Variants in MIPOL1 observed in about 807,000 individuals in gnomAD.
The protein encoded by MIPOL1 is mirror-image polydactyly 1.
A neutral mutation model predicts 60.9 loss-of-function variants in MIPOL1; 57 were observed. The observed-to-expected ratio is 0.94, with a 90% confidence interval of 0.76 to 1.17. The LOEUF (loss-of-function observed/expected upper bound fraction) is 1.17, where lower values mean the gene tolerates loss of function less well. Ranked by LOEUF, MIPOL1 falls within the 50% of genes most tolerant of loss-of-function variation. MIPOL1 has a pLI of 0.00. For synonymous variants in MIPOL1, 179 were observed against 168.8 expected, an observed-to-expected ratio of 1.06 and a Z score of -0.47; for missense variants, 551 against 511.6, an observed-to-expected ratio of 1.08 and a Z score of -0.74.
intron 10 of MIPOL1, among the ~76,000 whole-genome samples, chr14:37,381,647 G>A (rs1053386031): frequency 6.6e-6 from 1 of 151,790 alleles, no homozygotes; most frequent in Non-Finnish European, 1.5e-5. Flanking sequence ...CAGTGGTACA[G>A]TTGTAGCTCA....
intron 11 of MIPOL1, among the ~76,000 whole-genome samples, chr14:37,485,958 G>A (rs2094939668): frequency 6.6e-6 from 1 of 152,212 alleles, no homozygotes; most frequent in South Asian, 2.1e-4. Flanking sequence ...GGTTTTTATG[G>A]TTTTAGGTCT....
chr14:37,209,768 A>G (rs1966641456), intron 1 of MIPOL1, among the ~76,000 whole-genome samples: 1 of 152,124 alleles, frequency 6.6e-6, no homozygotes, highest in Admixed American at 6.5e-5. Context: ...CAGTGGTGCA[A>G]ACATGGCTCA....
chr14:37,308,210 T>C, intron 8 of MIPOL1, 121 bp downstream of exon 8: 1 of 1,192,620 alleles, frequency 8.4e-7, no homozygotes, highest in Non-Finnish European at 1.2e-6. Flanking sequence ...ACTAATAATG[T>C]ACATCTTTGC....
chr14:37,340,242 T>A (rs998753430), intron 9 of MIPOL1, among the ~76,000 whole-genome samples: 1 of 152,086 alleles, frequency 6.6e-6, no homozygotes. Flanking sequence ...TTTTTGTCTT[T>A]GTTTAAAAAA....
intron 6 of MIPOL1, among the ~76,000 whole-genome samples, chr14:37,275,197 C>A (rs2083559602): frequency 6.6e-6 from 1 of 151,048 alleles, no homozygotes; most frequent in Non-Finnish European, 1.5e-5. Context: ...GACCATCTCA[C>A]TCCTTATGTG....
At chr14:37,442,956 A>C (rs1451074978) in intron 11 of MIPOL1, among the ~76,000 whole-genome samples, 1 of 152,176 alleles carries the variant, frequency 6.6e-6, no homozygotes, top group Non-Finnish European at 1.5e-5. Flanking sequence ...ACTTCTTTGT[A>C]GAAATTGAAT....
At chr14:37,478,958 A>C (rs184546891) in intron 11 of MIPOL1, among the ~76,000 whole-genome samples, 11 of 152,292 alleles carry the variant, frequency 7.2e-5, no homozygotes, top group Admixed American at 1.3e-4. Context: ...AAGAGGTTAT[A>C]ACAATTACAA....
At position 37,298,031 on chromosome 14, in the gene MIPOL1, T is replaced by C. The variant is rs886565297; in HGVS notation, c.624-10025T>C. Among the ~76,000 whole-genome samples the C allele has an allele frequency of 1.1e-4, 16 of 152,164 alleles. No individual in the cohort carries two copies. The East Asian group carries it at 1.7e-3, about 17-fold the overall frequency. On this transcript the variant is annotated intron_variant, in intron 7 of 12. Coordinates refer to ENST00000684589, the MANE Select transcript of MIPOL1 (RefSeq NM_001388067.1). Reference sequence around the variant, plus strand: ...CAAAAGAACAAAGCTGGAGGCATCATGCTACCTGACTTCAAACTATACTAC... The same window carrying C: ...CAAAAGAACAAAGCTGGAGGCATCACGCTACCTGACTTCAAACTATACTAC...
chr14:37,523,439 G>A, intron 12 of MIPOL1: 1 of 381,330 alleles, frequency 2.6e-6, no homozygotes, highest in East Asian at 3.7e-5. Context: ...TAATAGCTAA[G>A]CCAAATATAA....
chr14:37,334,864 T>C (rs1292455669), intron 9 of MIPOL1, among the ~76,000 whole-genome samples: 2 of 152,094 alleles, frequency 1.3e-5, no homozygotes, highest in African/African-American at 4.8e-5. Context: ...AATTGATCAT[T>C]TTTAAATTGT....
intron 9 of MIPOL1, among the ~76,000 whole-genome samples, chr14:37,327,732 C>T (rs781023141): frequency 6.6e-6 from 1 of 152,214 alleles, no homozygotes; most frequent in East Asian, 1.9e-4. Flanking sequence ...AAATAGTGAA[C>T]CAGATGGTCT....
intron 9 of MIPOL1, among the ~76,000 whole-genome samples, chr14:37,328,114 T>A (rs566688258): frequency 6.6e-6 from 1 of 152,164 alleles, no homozygotes; most frequent in Non-Finnish European, 1.5e-5. Context: ...CCAAGTTCAA[T>A]CAATTCTTCT....
intron 12 of MIPOL1, among the ~76,000 whole-genome samples, chr14:37,513,711 A>G (rs924020890): frequency 2.6e-5 from 4 of 152,194 alleles, no homozygotes; most frequent in Non-Finnish European, 5.9e-5. Context: ...GAAAATGAGC[A>G]TAAAAGTAGG....
chr14:37,534,455 T>C (rs1350810682), intron 12 of MIPOL1, among the ~76,000 whole-genome samples: 1 of 152,220 alleles, frequency 6.6e-6, no homozygotes, highest in Non-Finnish European at 1.5e-5. Flanking sequence ...TACTTTAGAA[T>C]AGAAAATGTG....
intron 10 of MIPOL1, among the ~76,000 whole-genome samples, chr14:37,415,764 G>T (rs1166179311): frequency 6.6e-6 from 1 of 152,056 alleles, no homozygotes; most frequent in East Asian, 1.9e-4. Flanking sequence ...TCATTAACTG[G>T]CTGACAAGTA....
intron 10 of MIPOL1, among the ~76,000 whole-genome samples, chr14:37,407,593 C>G (rs568649897): frequency 5.3e-5 from 8 of 152,094 alleles, no homozygotes; most frequent in Non-Finnish European, 1.2e-4. Context: ...TGAACCACAC[C>G]AGCTGCTTTA....
chr14:37,203,348 A>T (rs1965604081), intron 1 of MIPOL1, among the ~76,000 whole-genome samples: 1 of 152,142 alleles, frequency 6.6e-6, no homozygotes, highest in African/African-American at 2.4e-5. Context: ...ATCTCTGGTA[A>T]TCTTTTTCAA....
At chr14:37,229,488 AAAAAC>A (rs1352156557) in intron 1 of MIPOL1, among the ~76,000 whole-genome samples, 1 of 152,148 alleles carries the variant, frequency 6.6e-6, no homozygotes, top group East Asian at 1.9e-4. Flanking sequence ...AAACTAACCA[AAAAAC>A]AAAACAAAAC....
intron 1 of MIPOL1, among the ~76,000 whole-genome samples, chr14:37,243,834 AT>A (rs1041440369): frequency 2.0e-5 from 3 of 152,130 alleles, no homozygotes; most frequent in African/African-American, 7.2e-5. Context: ...ATTACTTACA[AT>A]TTTTTAGGCA....
Sources: allele counts gnomAD v4.1 joint callset (sites outside exome capture counted in the v4.1 genomes callset), GRCh38; gene constraint gnomAD v4.1.1; transcripts MANE v1.5; gene names NCBI Gene and HGNC (gene_info 2026-07-23, HGNC 2026-07-21).